SGK1: variants seen among roughly 807,000 people sequenced by gnomAD.
SGK1 encodes the protein serum/glucocorticoid regulated kinase 1, also known as serine/threonine-protein kinase Sgk1.
SGK1 carries 26 observed loss-of-function variants against 64.2 expected under a neutral mutation model. The ratio of observed to expected loss-of-function variants is 0.40; its 90% CI spans 0.30 to 0.56. SGK1 has a LOEUF of 0.56. Among genes scored for constraint, SGK1 ranks in the 20% least tolerant of loss-of-function variants. The pLI is 0.38. For missense variants in SGK1, 519 were observed against 645.6 expected (o/e 0.80, Z 2.12); for synonymous variants, 265 against 239.7 (o/e 1.11, Z -0.98).
intron 2 of SGK1, among the ~76,000 whole-genome samples, chr6:134,246,000 T>A (rs1776518906): frequency 6.6e-6 from 1 of 152,200 alleles, no homozygotes; most frequent in Admixed American, 6.5e-5. Flanking sequence ...TGAACAAAAA[T>A]ATTTAATGAA....
intron 1 of SGK1, among the ~76,000 whole-genome samples, chr6:134,294,914 C>T (rs1009533676): frequency 5.9e-5 from 9 of 152,172 alleles, no homozygotes; most frequent in African/African-American, 9.7e-5. Flanking sequence ...TGAGCATAAA[C>T]GATATGGTGC....
chr6:134,213,339 T>C (rs1775922472), intron 2 of SGK1, among the ~76,000 whole-genome samples: 1 of 151,988 alleles, frequency 6.6e-6, no homozygotes, highest in Admixed American at 6.6e-5. Flanking sequence ...CTGGCCAACA[T>C]GGTGAAACCC....
chr6:134,193,675 C>T lies in SGK1; in HGVS notation c.361+13681G>A, dbSNP rs187124669. On this transcript the variant is annotated intron_variant, in intron 3 of 13. Coordinates refer to ENST00000367858, the MANE Select transcript of SGK1 (RefSeq NM_001143676.3). Reference sequence around the variant, plus strand: ...ATTTTCTTTTTTTGAGTGAGATCTTCTCACTCAGTCACCTGGCTGGAGCGA... The same window carrying T: ...ATTTTCTTTTTTTGAGTGAGATCTTTTCACTCAGTCACCTGGCTGGAGCGA... 3.4e-5 allele frequency among the ~76,000 whole-genome samples: 5 copies of T among 149,150 alleles called. No homozygotes were observed. The East Asian group carries it at 7.9e-4, about 24-fold the overall frequency.
Position 134,173,050 on chromosome 6 carries a change from A to C in SGK1, c.807T>G (p.Phe269Leu). The change falls in exon 8 of 14, where the codon TTT (phenylalanine) becomes TTG (leucine). Residue 269 changes from phenylalanine to leucine, a missense_variant. By Grantham distance (22) the Phe-to-Leu change is conservative. Around this residue, in one of 2 missense-constraint regions of SGK1, gnomAD observed 278 missense variants for 408.7 expected, o/e 0.68. Transcript: ENST00000367858. ...FSFQTADKLY[F>L]VLDYINGGEL... ...CTCCACCATTAATGTAGTCTAGGACAAAGTACAATTTGTCAGCAGTCTGGA... is the reference window on the plus strand; with the variant it reads ...CTCCACCATTAATGTAGTCTAGGACCAAGTACAATTTGTCAGCAGTCTGGA... 6.2e-7 allele frequency: 1 copy of C among 1,614,152 alleles called. No homozygotes were observed. The highest frequency in any genetic ancestry group is 8.5e-7 in the Non-Finnish European group (1 of 1,179,992).
intron 1 of SGK1, among the ~76,000 whole-genome samples, chr6:134,282,137 G>A (rs1042232889): frequency 6.6e-6 from 1 of 152,056 alleles, no homozygotes; most frequent in Non-Finnish European, 1.5e-5. Context: ...AGTCAGATCT[G>A]GAGTACTGGC....
At chr6:134,177,985 G>A in intron 3 of SGK1, 1 of 640,516 alleles carries the variant, frequency 1.6e-6, no homozygotes, top group Non-Finnish European at 2.6e-6. Flanking sequence ...CAGTGTCCTA[G>A]CTTTATTACA....
Position 134,242,115 on chromosome 6 carries a change from A to C in SGK1, c.285+19818T>G, listed in dbSNP as rs1776457328. 2.0e-5 allele frequency among the ~76,000 whole-genome samples: 3 copies of C among 152,192 alleles called. No homozygotes were observed. The South Asian group carries it at 6.2e-4, about 31-fold the overall frequency. Reference sequence around the variant, plus strand: ...AGGTTAAAACTGCATGAAGGGATTGAGCAAGTGGAAGCAATGACCAACGTG... The same window carrying C: ...AGGTTAAAACTGCATGAAGGGATTGCGCAAGTGGAAGCAATGACCAACGTG... On this transcript the variant is annotated intron_variant, in intron 2 of 13. Coordinates refer to ENST00000367858, the MANE Select transcript of SGK1 (RefSeq NM_001143676.3).
rs147912612 is a variant in SGK1 at position 134,228,251 on chromosome 6, G to T, written c.286-20820C>A. 6.2e-3 allele frequency among the ~76,000 whole-genome samples: 945 copies of T among 152,200 alleles called. 6 individuals are homozygous for T. The highest frequency in any genetic ancestry group is 9.4e-3 in the Non-Finnish European group (642 of 68,016). Reference sequence around the variant, plus strand: ...ATTACTGGCATAAGCCACTGCACCTGACCGGAATTCATTCTTGATAGCATC... The same window carrying T: ...ATTACTGGCATAAGCCACTGCACCTTACCGGAATTCATTCTTGATAGCATC... On this transcript the variant is annotated intron_variant, in intron 2 of 13. Coordinates refer to ENST00000367858, the MANE Select transcript of SGK1 (RefSeq NM_001143676.3).
chr6:134,233,013 C>G (rs1683029112), intron 2 of SGK1, among the ~76,000 whole-genome samples: 1 of 151,868 alleles, frequency 6.6e-6, no homozygotes, highest in South Asian at 2.1e-4. Context: ...TAAAATTTAT[C>G]TAGCATCTAT....
At chr6:134,187,563 A>G (rs1775444376) in intron 3 of SGK1, among the ~76,000 whole-genome samples, 1 of 152,212 alleles carries the variant, frequency 6.6e-6, no homozygotes, top group African/African-American at 2.4e-5. Context: ...TCATCACCGT[A>G]ACTTCAAAAG....
At chr6:134,262,890 C>CTT (rs34337845) in intron 1 of SGK1, among the ~76,000 whole-genome samples, 1 of 145,490 alleles carries the variant, frequency 6.9e-6, no homozygotes, top group Non-Finnish European at 1.5e-5. Flanking sequence ...AAAAAAATAA[C>CTT]TTTTTTTTTT....
chr6:134,252,333 GCT>G (rs1233087622), intron 2 of SGK1, among the ~76,000 whole-genome samples: 1 of 152,142 alleles, frequency 6.6e-6, no homozygotes, highest in African/African-American at 2.4e-5. Context: ...TGGTTATCAG[GCT>G]CTCTGGCTGC....
chr6:134,235,326 A>C (rs868853000), intron 2 of SGK1, among the ~76,000 whole-genome samples: 1 of 152,258 alleles, frequency 6.6e-6, no homozygotes, highest in South Asian at 2.1e-4. Context: ...TCCTTGGGGA[A>C]TATCTTCCTG....
At chr6:134,310,572 T>C (rs1777594834) in intron 1 of SGK1, among the ~76,000 whole-genome samples, 1 of 152,216 alleles carries the variant, frequency 6.6e-6, no homozygotes, top group South Asian at 2.1e-4. Context: ...ATAATGCAGA[T>C]ACTATATAGT....
intron 3 of SGK1, among the ~76,000 whole-genome samples, chr6:134,182,784 CCCT>C (rs1775350641): frequency 6.6e-6 from 1 of 152,210 alleles, no homozygotes. Flanking sequence ...TCCAACCTCC[CCCT>C]CCTCCATTCA....
rs116706946 is a variant in SGK1, at chr6:134,296,999, C to T, written c.69+20393G>A. 5.4e-3 allele frequency: 2,308 copies of T among 429,276 alleles called. 37 individuals carry two copies. The highest frequency in any genetic ancestry group is 0.043 in the African/African-American group (2,100 of 48,986). The allele number at this position is 429,276 out of a possible 1,614,324, so 26.6% of individuals were successfully genotyped here. A position where few individuals can be genotyped will look rare whatever the true frequency, so the allele number is the denominator to read the frequency against. ...TGGGAGGGGCTGCCATGGCTGTTCACTCGGGCAGGACATCAGAGGACTTGG... is the reference window on the plus strand; with the variant it reads ...TGGGAGGGGCTGCCATGGCTGTTCATTCGGGCAGGACATCAGAGGACTTGG... On this transcript the variant is annotated intron_variant, in intron 1 of 13. Transcript: ENST00000367858.
intron 2 of SGK1, among the ~76,000 whole-genome samples, chr6:134,232,679 C>T (rs1449745792): frequency 2.6e-5 from 4 of 151,920 alleles, no homozygotes; most frequent in Non-Finnish European, 4.4e-5. Flanking sequence ...GGCGAAAACT[C>T]GTCTCTGCTA....
At chr6:134,270,750 C>T (rs78430566) in intron 1 of SGK1, among the ~76,000 whole-genome samples, 1,805 of 148,138 alleles carry the variant, frequency 0.012, 83 homozygotes, top group African/African-American at 0.041. Flanking sequence ...AGTGGGAAAA[C>T]GGAGACGCAA....
At chr6:134,246,215 C>T (rs750756466) in intron 2 of SGK1, among the ~76,000 whole-genome samples, 17 of 151,776 alleles carry the variant, frequency 1.1e-4, no homozygotes, top group Non-Finnish European at 2.2e-4. Flanking sequence ...ATAGCACTAT[C>T]TCGGCTCACT....
Sources: allele counts gnomAD v4.1 joint callset (sites outside exome capture counted in the v4.1 genomes callset), GRCh38; gene constraint gnomAD v4.1.1; regional missense constraint gnomAD v4.1.1; transcripts MANE v1.5; gene names NCBI Gene and HGNC (gene_info 2026-07-23, HGNC 2026-07-21).